Variants in RBFOX1 observed in about 807,000 individuals in gnomAD.
RBFOX1 encodes RNA binding fox-1 homolog 1.
Under a neutral mutation model 57.7 loss-of-function variants are expected in RBFOX1, and 8 were observed. The observed-to-expected ratio is 0.14, with a 90% CI of 0.08 to 0.25. The LOEUF (loss-of-function observed/expected upper bound fraction) is 0.25. Ranked by LOEUF, RBFOX1 falls within the 10% of genes least tolerant of loss-of-function variation. The pLI is 1.00. For synonymous variants in RBFOX1, 326 were observed against 222.4 expected (o/e 1.47, Z -4.15); for missense variants, 611 against 548.5 (o/e 1.11, Z -1.14).
chr16:6,423,966 G>A (rs963166353), intron 2 of RBFOX1, among the ~76,000 whole-genome samples: 1 of 152,152 alleles, frequency 6.6e-6, no homozygotes, highest in Admixed American at 6.5e-5. Flanking sequence ...GTGTCCAGGC[G>A]TGGTGGCTCA....
intron 4 of RBFOX1, among the ~76,000 whole-genome samples, chr16:7,111,805 T>C (rs888966608): frequency 4.6e-5 from 7 of 152,020 alleles, no homozygotes; most frequent in African/African-American, 1.5e-4. Flanking sequence ...TGATTTTTTT[T>C]CCCCCAAAGG....
intron 3 of RBFOX1, among the ~76,000 whole-genome samples, chr16:6,682,616 G>A (rs191405296): frequency 6.6e-6 from 1 of 152,076 alleles, no homozygotes; most frequent in East Asian, 1.9e-4. Context: ...GCCTCCAACC[G>A]CCAGATGTCG....
At chr16:6,906,534 ACTTTT>A (rs747167006) in intron 3 of RBFOX1, among the ~76,000 whole-genome samples, 6 of 152,100 alleles carry the variant, frequency 3.9e-5, no homozygotes, top group Admixed American at 2.6e-4. Context: ...ATCTCTAGAA[ACTTTT>A]CTTTATGGTT....
chr16:7,029,700 T>C (rs2067630), intron 3 of RBFOX1, among the ~76,000 whole-genome samples: 14,000 of 152,074 alleles, frequency 0.092, 1,049 homozygotes, highest in East Asian at 0.32. Flanking sequence ...GCTGGGAGAC[T>C]CTATAATTAT....
intron 2 of RBFOX1, among the ~76,000 whole-genome samples, chr16:6,462,696 C>A (rs1272815491): frequency 6.7e-6 from 1 of 150,266 alleles, no homozygotes; most frequent in Non-Finnish European, 1.5e-5. Context: ...CATGTTTTTA[C>A]CCCCCACCGC....
chr16:7,005,709 G>A (rs1009019816), intron 3 of RBFOX1, among the ~76,000 whole-genome samples: 8 of 152,148 alleles, frequency 5.3e-5, no homozygotes, highest in African/African-American at 1.9e-4. Flanking sequence ...ACTGTGGTGG[G>A]TCAGGACAAG....
intron 4 of RBFOX1, among the ~76,000 whole-genome samples, chr16:7,513,805 C>T (rs1282865990): frequency 1.3e-5 from 2 of 152,172 alleles, no homozygotes; most frequent in Non-Finnish European, 2.9e-5. Flanking sequence ...ACCTTCTGCT[C>T]ATAAGCCCAC....
intron 3 of RBFOX1, among the ~76,000 whole-genome samples, chr16:6,701,689 A>G (rs1235902216): frequency 1.3e-5 from 2 of 152,170 alleles, no homozygotes; most frequent in South Asian, 4.1e-4. Context: ...TAGCAAAGAC[A>G]TGGAATCAAC....
At chr16:6,924,965 G>A (rs1040234327) in intron 3 of RBFOX1, among the ~76,000 whole-genome samples, 5 of 151,146 alleles carry the variant, frequency 3.3e-5, no homozygotes, top group African/African-American at 1.2e-4. Context: ...GCGATAGTTT[G>A]CTGAGAATGA....
chr16:7,160,805 T>C (rs2078159182), intron 4 of RBFOX1, among the ~76,000 whole-genome samples: 1 of 141,048 alleles, frequency 7.1e-6, no homozygotes, highest in African/African-American at 2.7e-5. Context: ...CGTCTCCCCC[T>C]TTCTTCTCCC....
At chr16:7,207,990 G>A (rs553647828) in intron 4 of RBFOX1, among the ~76,000 whole-genome samples, 1 of 152,266 alleles carries the variant, frequency 6.6e-6, no homozygotes, top group East Asian at 1.9e-4. Flanking sequence ...TGTAAGTGGG[G>A]TTTCTTTTTT....
intron 3 of RBFOX1, among the ~76,000 whole-genome samples, chr16:6,824,744 C>G (rs1329280278): frequency 4.0e-5 from 6 of 151,860 alleles, no homozygotes; most frequent in Admixed American, 2.0e-4. Flanking sequence ...AGTCCAAAAG[C>G]TTTCTTTAAA....
chr16:7,010,828 C>G (rs1662180109), intron 3 of RBFOX1, among the ~76,000 whole-genome samples: 1 of 150,362 alleles, frequency 6.7e-6, no homozygotes. Flanking sequence ...GCCTCTGCCT[C>G]CGCCTCCCAA....
At chr16:6,278,496 T>G (rs1042986965) in intron 1 of RBFOX1, among the ~76,000 whole-genome samples, 7 of 151,758 alleles carry the variant, frequency 4.6e-5, no homozygotes, top group African/African-American at 1.7e-4. Flanking sequence ...AAATTGCTCT[T>G]TAGTTTCAGA....
intron 4 of RBFOX1, among the ~76,000 whole-genome samples, chr16:7,104,371 C>G (rs1330650807): frequency 6.6e-6 from 1 of 152,120 alleles, no homozygotes; most frequent in Non-Finnish European, 1.5e-5. Context: ...CTTAATCAGT[C>G]TGGTACCTCA....
chr16:7,042,346 A>G (rs2046439533), intron 3 of RBFOX1, among the ~76,000 whole-genome samples: 1 of 152,198 alleles, frequency 6.6e-6, no homozygotes, highest in Non-Finnish European at 1.5e-5. Context: ...GAAACTGTGT[A>G]CAATGGTGAT....
intron 2 of RBFOX1, among the ~76,000 whole-genome samples, chr16:5,548,113 A>G (rs1311200269): frequency 6.8e-6 from 1 of 147,580 alleles, no homozygotes; most frequent in Non-Finnish European, 1.5e-5. Flanking sequence ...GTGAGCTGAG[A>G]TTGTGCCACT....
chr16:6,562,859 TCTTTCTTTCTTTC>T lies in RBFOX1; in HGVS notation c.-63-91743_-63-91731del, dbSNP rs1567693575. Among the ~76,000 whole-genome samples the T allele has an allele frequency of 6.1e-3, 427 of 70,008 alleles. 73 individuals carry two copies. The highest frequency in any genetic ancestry group is 0.02 in the African/African-American group (402 of 20,526). The allele number at this position is 70,008 out of a possible 152,430, so 45.9% of individuals were successfully genotyped here. A position where few individuals can be genotyped will look rare whatever the true frequency, so the allele number is the denominator to read the frequency against. The stretch of plus-strand genomic sequence containing the variant: ...TTCTTTCTTTCTTTCTTTCTTTCTT[TCTTTCTTTCTTTC>T]TTTCTTTCTTTTTTTTTTTTTTTTT... On this transcript the variant is annotated intron_variant, in intron 2 of 15. Coordinates refer to ENST00000550418, the MANE Select transcript of RBFOX1 (RefSeq NM_018723.4).
At chr16:5,506,644 C>G (rs1164086997) in intron 2 of RBFOX1, among the ~76,000 whole-genome samples, 1 of 152,110 alleles carries the variant, frequency 6.6e-6, no homozygotes, top group Non-Finnish European at 1.5e-5. Flanking sequence ...CTGGCCTGAT[C>G]ACAGAGAAGG....
Sources: gnomAD v4.1 joint callset for allele counts (sites outside exome capture counted in the v4.1 genomes callset) on GRCh38, gnomAD v4.1.1 for gene constraint, MANE v1.5 for transcripts, NCBI Gene and HGNC (gene_info 2026-07-23, HGNC 2026-07-21) for gene names.